The following NRXN1 variants were observed in gnomAD, a reference collection of about 807,000 sequenced individuals.
NRXN1 encodes neurexin-1.
Under a neutral mutation model 150.9 loss-of-function variants are expected in NRXN1, and 39 were observed. That is an observed-to-expected ratio of 0.26 (90% CI 0.20 to 0.34). The LOEUF (loss-of-function observed/expected upper bound fraction) is 0.34, where lower values mean the gene tolerates loss of function less well. NRXN1 is among the 10% of genes least tolerant of loss of function. NRXN1 has a pLI of 1.00. For missense variants in NRXN1, 1,815 were observed against 1,949.9 expected, an observed-to-expected ratio of 0.93 and a Z score of 1.30; for synonymous variants, 924 against 757.0, an observed-to-expected ratio of 1.22 and a Z score of -3.62.
chr2:50,774,201 T>C (rs1461487750), intron 5 of NRXN1, among the ~76,000 whole-genome samples: 1 of 152,154 alleles, frequency 6.6e-6, no homozygotes, highest in Non-Finnish European at 1.5e-5. Context: ...CATTCACGTA[T>C]TAAAATTTCA....
chr2:50,710,301 C>T (rs919761867), intron 5 of NRXN1, among the ~76,000 whole-genome samples: 1 of 152,106 alleles, frequency 6.6e-6, no homozygotes, highest in Admixed American at 6.6e-5. Context: ...AATTTAAAAA[C>T]TCACATCTTA....
intron 17 of NRXN1, among the ~76,000 whole-genome samples, chr2:50,247,581 T>C (rs1369017086): frequency 6.6e-6 from 1 of 152,072 alleles, no homozygotes; most frequent in Non-Finnish European, 1.5e-5. Flanking sequence ...ATAGTCTCAA[T>C]CTAATCATAA....
At chr2:50,753,092 T>C (rs1700787399) in intron 5 of NRXN1, among the ~76,000 whole-genome samples, 1 of 151,960 alleles carries the variant, frequency 6.6e-6, no homozygotes, top group Non-Finnish European at 1.5e-5. Flanking sequence ...TATTTAATCT[T>C]GGTGTTAATT....
intron 12 of NRXN1, among the ~76,000 whole-genome samples, chr2:50,519,435 T>C (rs2092720790): frequency 6.6e-6 from 1 of 151,990 alleles, no homozygotes; most frequent in Non-Finnish European, 1.5e-5. Flanking sequence ...TCTTCTGAAA[T>C]GAATGGCTCA....
intron 19 of NRXN1, among the ~76,000 whole-genome samples, chr2:50,081,537 C>G (rs1433143738): frequency 6.6e-6 from 1 of 152,112 alleles, no homozygotes; most frequent in Admixed American, 6.6e-5. Context: ...GGTGATAGAG[C>G]AAGACTCTGC....
intron 21 of NRXN1, among the ~76,000 whole-genome samples, chr2:50,012,504 A>G (rs1685868318): frequency 6.6e-6 from 1 of 152,132 alleles, no homozygotes; most frequent in Non-Finnish European, 1.5e-5. Context: ...TTTCTTTAAA[A>G]AAGAAAGAAG....
intron 19 of NRXN1, among the ~76,000 whole-genome samples, chr2:50,070,142 G>T (rs1055680123): frequency 6.6e-6 from 1 of 151,988 alleles, no homozygotes; most frequent in African/African-American, 2.4e-5. Context: ...GAGCCACTGC[G>T]CCTGGCCGAG....
At chr2:50,274,690 C>T (rs1192223474) in intron 17 of NRXN1, among the ~76,000 whole-genome samples, 1 of 151,980 alleles carries the variant, frequency 6.6e-6, no homozygotes, top group Non-Finnish European at 1.5e-5. Context: ...ATATTGCCTC[C>T]ATTTTTTAAT....
intron 22 of NRXN1, among the ~76,000 whole-genome samples, chr2:49,937,620 G>A (rs893553493): frequency 1.4e-4 from 21 of 151,980 alleles, no homozygotes; most frequent in African/African-American, 4.8e-4. Context: ...GCCCCATCCC[G>A]CACCTGAATG....
At chr2:50,552,047 A>G (rs1020595081) in intron 9 of NRXN1, among the ~76,000 whole-genome samples, 2 of 152,186 alleles carry the variant, frequency 1.3e-5, no homozygotes, top group Non-Finnish European at 2.9e-5. Context: ...AATACCTTTC[A>G]TCAGAAAGGG....
chr2:50,347,580 C>A lies in NRXN1; in HGVS notation c.3365-110610G>T. ...AGCAGCGGCGCGCATCGCCTGCTCC[C>A]GAGGCAATCTCCGCGTCCGCCGCCT... is the stretch of plus-strand genomic sequence containing the variant. On this transcript the variant is annotated intron_variant, in intron 17 of 22. Transcript: ENST00000401669. This position sits in a 1 kb window ranked among gnomAD's most constrained non-coding sequence, Gnocchi z 4.9. 2 of 1,013,258 alleles carry A rather than the reference C, an allele frequency of 2.0e-6. No individual in the cohort carries two copies. The highest frequency in any genetic ancestry group is 3.7e-5 in the South Asian group (1 of 26,890). 62.8% of individuals were successfully genotyped at this position (1,013,258 alleles called of 1,614,324 possible).
At chr2:50,943,831 T>A (rs932977789) in intron 2 of NRXN1, among the ~76,000 whole-genome samples, 2 of 152,202 alleles carry the variant, frequency 1.3e-5, no homozygotes, top group Non-Finnish European at 2.9e-5. Context: ...GTCAGACATG[T>A]TAGAAAACAG....
chr2:50,880,088 G>C (rs1190258893), intron 5 of NRXN1, among the ~76,000 whole-genome samples: 1 of 151,964 alleles, frequency 6.6e-6, no homozygotes, highest in Non-Finnish European at 1.5e-5. Flanking sequence ...CATTTCTGCA[G>C]TCAGATATGG....
chr2:50,181,681 C>T (rs2060725616), intron 18 of NRXN1, among the ~76,000 whole-genome samples: 1 of 151,990 alleles, frequency 6.6e-6, no homozygotes, highest in East Asian at 1.9e-4. Context: ...CATTATTCCA[C>T]GGATGAGTTT....
chr2:50,241,530 T>G (rs1322148696), intron 17 of NRXN1, among the ~76,000 whole-genome samples: 1 of 151,802 alleles, frequency 6.6e-6, no homozygotes, highest in Non-Finnish European at 1.5e-5. Context: ...ATGACTGAAA[T>G]TTAAAGTGGT....
chr2:50,242,018 T>C (rs1452410436), intron 17 of NRXN1, among the ~76,000 whole-genome samples: 1 of 151,814 alleles, frequency 6.6e-6, no homozygotes, highest in African/African-American at 2.4e-5. Context: ...AGTATATGAA[T>C]AAAAGGTTAC....
At chr2:51,031,343 G>C (rs1453595278) in intron 1 of NRXN1, among the ~76,000 whole-genome samples, 1 of 152,050 alleles carries the variant, frequency 6.6e-6, no homozygotes, top group East Asian at 1.9e-4. Flanking sequence ...AAGTCACTAG[G>C]AGGATCAATA....
chr2:50,518,678 T>A (rs1321578597), intron 12 of NRXN1, among the ~76,000 whole-genome samples: 1 of 151,838 alleles, frequency 6.6e-6, no homozygotes, highest in South Asian at 2.1e-4. Context: ...TATCATTCCA[T>A]GTCTAAATAC....
intron 8 of NRXN1, among the ~76,000 whole-genome samples, chr2:50,588,201 T>A (rs1451818012): frequency 6.6e-6 from 1 of 152,224 alleles, no homozygotes; most frequent in Non-Finnish European, 1.5e-5. Flanking sequence ...ATATATGTTT[T>A]TAAAAAACCA....
Sources: allele counts gnomAD v4.1 joint callset (sites outside exome capture counted in the v4.1 genomes callset), GRCh38; gene constraint gnomAD v4.1.1; non-coding constraint Gnocchi (gnomAD v3.1); transcripts MANE v1.5; gene names NCBI Gene and HGNC (gene_info 2026-07-23, HGNC 2026-07-21).